Variants in TANGO2 observed in about 807,000 individuals in gnomAD.
TANGO2 encodes transport and golgi organization 2 homolog, also known as transport and Golgi organization protein 2 homolog.
In TANGO2, 26 loss-of-function variants were observed where a neutral mutation model predicts 39.1. The ratio of observed to expected loss-of-function variants is 0.67; its 90% confidence interval spans 0.49 to 0.92. The LOEUF (loss-of-function observed/expected upper bound fraction) is 0.92. Among genes scored for constraint, TANGO2 ranks in the 40% least tolerant of loss-of-function variants. TANGO2 has a pLI of 0.00. For synonymous variants in TANGO2, 131 were observed against 144.5 expected (o/e 0.91, Z 0.67); for missense variants, 326 against 360.1 (o/e 0.91, Z 0.77).
At chr22:20,062,375 A>C (rs2048542257) in intron 7 of TANGO2, among the ~76,000 whole-genome samples, 2 of 150,488 alleles carry the variant, frequency 1.3e-5, no homozygotes, top group African/African-American at 2.5e-5. Context: ...TCCAGCGTCC[A>C]CTCCCACCCT....
chr22:20,044,794 T>G (rs368757959), intron 3 of TANGO2, among the ~76,000 whole-genome samples: 1 of 152,174 alleles, frequency 6.6e-6, no homozygotes, highest in Non-Finnish European at 1.5e-5. Context: ...AAGGTTTTCA[T>G]AGATGAAGAT....
intron 6 of TANGO2, chr22:20,056,414 C>T (rs1164208852): frequency 2.1e-6 from 1 of 472,106 alleles, no homozygotes. Flanking sequence ...ACACACCCCA[C>T]TCAAGCCCCA....
At chr22:20,035,223 C>T (rs62222174) in intron 1 of TANGO2, among the ~76,000 whole-genome samples, 10,760 of 152,354 alleles carry the variant, frequency 0.071, 494 homozygotes, top group Non-Finnish European at 0.11. Context: ...TTCAACTGCA[C>T]AGCCACCAGC....
At chr22:20,045,272 CAAAAAAAAAAAA>C (rs695778) in intron 3 of TANGO2, among the ~76,000 whole-genome samples, 9 of 121,252 alleles carry the variant, frequency 7.4e-5, no homozygotes, top group African/African-American at 2.7e-4. Context: ...CCTGTCTTTA[CAAAAAAAAAAAA>C]AAAAATTAGC....
chr22:20,025,804 G>T (rs1213195660), intron 1 of TANGO2, among the ~76,000 whole-genome samples: 1 of 152,212 alleles, frequency 6.6e-6, no homozygotes, highest in Non-Finnish European at 1.5e-5. Flanking sequence ...AGCAGGAGTT[G>T]GGGCATGGCG....
At chr22:20,035,534 A>G (rs2042681023) in intron 1 of TANGO2, among the ~76,000 whole-genome samples, 1 of 152,216 alleles carries the variant, frequency 6.6e-6, no homozygotes, top group Admixed American at 6.5e-5. Flanking sequence ...TGCATTGTGG[A>G]AAACTGCCTG....
chr22:20,030,815 A>G (rs189848721), intron 1 of TANGO2, among the ~76,000 whole-genome samples: 17 of 152,336 alleles, frequency 1.1e-4, no homozygotes, highest in Admixed American at 4.6e-4. Context: ...CTACCCAGTC[A>G]TTAAGACTTC....
intron 1 of TANGO2, among the ~76,000 whole-genome samples, chr22:20,025,795 G>T (rs1488606972): frequency 6.6e-6 from 1 of 152,216 alleles, no homozygotes; most frequent in Non-Finnish European, 1.5e-5. Context: ...GGCATGGTGA[G>T]CAGGAGTTGG....
rs1166991459 is a variant in TANGO2, at chr22:20,061,770, C to CATGGAAGTG, written c.605+88_605+96dup. The CATGGAAGTG allele has an allele frequency of 2.1e-6, 3 of 1,442,376 alleles. No homozygotes were observed. In the East Asian group the frequency reaches 7.7e-5, roughly 37 times the overall value. The allele number at this position is 1,442,376 out of a possible 1,614,324, so 89.3% of individuals were successfully genotyped here. Reference sequence around the variant, plus strand: ...GCAGGCCCTGCTGCCCCGGGAGGCCCATGGAAGTGGCCAGGCTGGGTCCCC... The same window carrying CATGGAAGTG: ...GCAGGCCCTGCTGCCCCGGGAGGCCCATGGAAGTGATGGAAGTGGCCAGGCTGGGTCCCC... On this transcript the variant is annotated intron_variant, in intron 7 of 8. Coordinates refer to ENST00000327374, the MANE Select transcript of TANGO2 (RefSeq NM_152906.7).
Position 20,053,570 on chromosome 22 carries a change from G to A in TANGO2, c.380+19G>A. 1 of 1,538,036 alleles carries A rather than the reference G, an allele frequency of 6.5e-7. No homozygotes were observed. The highest frequency in any genetic ancestry group is 9.0e-7 in the Non-Finnish European group (1 of 1,111,086). ...ACCTGAGGTGGGTCTGCCAGAGGGG[G>A]ATGGCGGCTCTGCCCAGCACTGCCT... On this transcript the variant is annotated intron_variant, in intron 5 of 8. Transcript: ENST00000327374.
chr22:20,054,012 C>A, intron 5 of TANGO2: 2 of 322,562 alleles, frequency 6.2e-6, no homozygotes, highest in South Asian at 4.8e-5. Flanking sequence ...CCCTCCTCCC[C>A]CTCCAAAGCC....
At position 20,064,791 on chromosome 22, in the gene TANGO2, G is replaced by T. The variant is rs2049006904; in HGVS notation, c.*129G>T. 1.6e-6 allele frequency: 2 copies of T among 1,241,218 alleles called. No homozygotes were observed. Among genetic ancestry groups the T allele is most frequent in the Non-Finnish European group, 2.2e-6 (2 of 907,854 alleles). 76.9% of individuals were successfully genotyped at this position (1,241,218 alleles called of 1,614,324 possible). The stretch of plus-strand genomic sequence containing the variant: ...CTTGGCCAGCATCCCCCGGATCAGG[G>T]CCCTGTGGTTTGCGTGTTACCCATC... On this transcript the variant is annotated 3_prime_UTR_variant, in exon 9 of 9. Coordinates refer to ENST00000327374, the MANE Select transcript of TANGO2 (RefSeq NM_152906.7).
At chr22:20,024,420 G>A (rs1793953377) in intron 1 of TANGO2, among the ~76,000 whole-genome samples, 1 of 152,160 alleles carries the variant, frequency 6.6e-6, no homozygotes, top group Non-Finnish European at 1.5e-5. Context: ...ACAGCCACCG[G>A]GAGCCCGCGT....
At position 20,064,626 on chromosome 22, in the gene TANGO2, G is replaced by A; in HGVS notation, c.795G>A (p.Trp265Ter). 6.2e-7 allele frequency: 1 copy of A among 1,614,208 alleles called. No individual in the cohort carries two copies. Among genetic ancestry groups the A allele is most frequent in the Non-Finnish European group, 8.5e-7 (1 of 1,180,026 alleles). Residue 265 changes from tryptophan (W) to a stop codon, truncating the protein, a stop_gained, in exon 9 of 9, where the codon TGG becomes TGA. Coordinates refer to ENST00000327374, the MANE Select transcript of TANGO2 (RefSeq NM_152906.7). LOFTEE classifies it high-confidence loss of function. Reference sequence around the variant, plus strand: ...TGATGGACAAGGACCTCTCCCACTGGGAGACCAGAACCTATGAGTTCACAC... The same window carrying A: ...TGATGGACAAGGACCTCTCCCACTGAGAGACCAGAACCTATGAGTTCACAC... ...RSMMDKDLSH[W>*]ETRTYEFTLQ...
chr22:20,018,717 C>T (rs1008779407), upstream of TANGO2, among the ~76,000 whole-genome samples: 4 of 152,194 alleles, frequency 2.6e-5, no homozygotes, highest in Admixed American at 2.6e-4. Flanking sequence ...CGGGGCAGCA[C>T]CAATTCAAAC....
chr22:20,020,570 G>A (rs138662158), upstream of TANGO2, among the ~76,000 whole-genome samples: 1 of 152,256 alleles, frequency 6.6e-6, no homozygotes, highest in Non-Finnish European at 1.5e-5. Context: ...GCCTAGTCCA[G>A]GGTCTGGGGG....
chr22:20,052,665 T>C, intron 4 of TANGO2, 81 bp downstream of exon 4: 1 of 1,496,408 alleles, frequency 6.7e-7, no homozygotes, highest in Non-Finnish European at 9.0e-7. Context: ...GCCAAGGGAC[T>C]ACAGGACTGG....
At chr22:20,041,095 A>T (rs1032444955) in intron 2 of TANGO2, among the ~76,000 whole-genome samples, 1 of 152,222 alleles carries the variant, frequency 6.6e-6, no homozygotes, top group East Asian at 1.9e-4. Context: ...GGGGGCACAC[A>T]TGTGCACACA....
In TANGO2 at chr22:20,036,110, C is replaced by G. The variant is rs542600262; in HGVS notation, c.-39-650C>G. ...GTTAAATACTTAAAAAGTCCCTGAG[C>G]TAACTAGGACTGCAATGCATTGTGG... On this transcript the variant is annotated intron_variant, in intron 1 of 8. Transcript: ENST00000327374. Among the ~76,000 whole-genome samples the G allele has an allele frequency of 6.6e-5, 10 of 152,224 alleles. No individual in the cohort carries two copies. The East Asian group carries it at 1.5e-3, about 24-fold the overall frequency.
Sources: gnomAD v4.1 joint callset for allele counts (sites outside exome capture counted in the v4.1 genomes callset) on GRCh38, gnomAD v4.1.1 for gene constraint, MANE v1.5 for transcripts, NCBI Gene and HGNC (gene_info 2026-07-23, HGNC 2026-07-21) for gene names.